ANK2: variants seen among roughly 807,000 people sequenced by gnomAD.
The protein encoded by ANK2 is ankyrin-2.
A neutral mutation model predicts 360.5 loss-of-function variants in ANK2; 83 were observed. The observed-to-expected ratio is 0.23, with a 90% CI of 0.19 to 0.28. ANK2 has a LOEUF of 0.28. ANK2 is among the 10% of genes least tolerant of loss of function. The pLI, the probability that ANK2 is intolerant of heterozygous loss-of-function variation, is 1.00. For synonymous variants in ANK2, 1,740 were observed against 1,759.5 expected (o/e 0.99, Z 0.28); for missense variants, 4,201 against 4,795.7 (o/e 0.88, Z 3.66).
intron 23 of ANK2, among the ~76,000 whole-genome samples, chr4:113,308,758 A>G (rs918730153): frequency 6.6e-6 from 1 of 152,208 alleles, no homozygotes; most frequent in Non-Finnish European, 1.5e-5. Flanking sequence ...AAGCTACCAT[A>G]TTTCAGAGAT....
intron 4 of ANK2, among the ~76,000 whole-genome samples, chr4:113,214,834 A>T: frequency 6.6e-6 from 1 of 152,196 alleles, no homozygotes; most frequent in Admixed American, 6.5e-5. Context: ...AAATGCCATG[A>T]AATCATATCA....
At chr4:113,024,290 A>G (rs924151999) in intron 2 of ANK2, among the ~76,000 whole-genome samples, 1 of 152,174 alleles carries the variant, frequency 6.6e-6, no homozygotes, top group Non-Finnish European at 1.5e-5. Context: ...AAAGATTACT[A>G]GTATACTAGA....
Position 113,363,430 on chromosome 4 carries a change from T to C in ANK2, c.10849T>C (p.Leu3617=). 1 of 1,613,584 alleles carries C rather than the reference T, an allele frequency of 6.2e-7. No homozygotes were observed. Among genetic ancestry groups the C allele is most frequent in the Non-Finnish European group, 8.5e-7 (1 of 1,179,644 alleles). ...NSLQDQSHAL[L]KYWLERDGKH... is the part of the protein sequence containing the mutation. The stretch of plus-strand genomic sequence containing the variant: ...TCTTCAAGACCAGAGTCATGCACTG[T>C]TGAAGTACTGGCTAGAGAGGGATGG... Residue 3617 remains leucine, a synonymous_variant, in exon 40 of 46, where the codon TTG becomes CTG. Transcript: ENST00000357077.
At chr4:113,049,530 C>A, upstream of ANK2, 6 of 1,056,012 alleles carry the variant, frequency 5.7e-6, no homozygotes, top group Non-Finnish European at 7.8e-6. Flanking sequence ...TTGGTTGAAT[C>A]AGATTTAACA....
At chr4:112,738,879 AAACAAAC>A in the ANK2 span, 2 of 668,968 alleles carry the variant, frequency 3.0e-6, no homozygotes, top group African/African-American at 3.6e-5. Context: ...ACAAACAAAC[AAACAAAC>A]AAAAAAACAA....
chr4:112,867,402 A>T (rs1006052863), intron 1 of ANK2, among the ~76,000 whole-genome samples: 1 of 151,682 alleles, frequency 6.6e-6, no homozygotes, highest in Non-Finnish European at 1.5e-5. Flanking sequence ...TGTTTTTTTT[A>T]AATTGAGATA....
In ANK2 at chr4:112,976,763, G is replaced by A. The variant is rs115650180; in HGVS notation, c.21+72249G>A. On this transcript the variant is annotated intron_variant, in intron 2 of 30. Transcript: ENST00000503271. Reference sequence around the variant, plus strand: ...CTCCCAAAACATTACGCTTAGTGCTGACTACTTCTTTGTGACCCTGCTCTA... The same window carrying A: ...CTCCCAAAACATTACGCTTAGTGCTAACTACTTCTTTGTGACCCTGCTCTA... Among the ~76,000 whole-genome samples, 1,337 of 151,030 alleles carry A rather than the reference G, an allele frequency of 8.9e-3. 23 individuals are homozygous for A. Among genetic ancestry groups the A allele is most frequent in the African/African-American group, 0.031 (1,279 of 41,030 alleles).
chr4:113,184,849 C>T (rs1170249772), intron 2 of ANK2, among the ~76,000 whole-genome samples: 1 of 152,036 alleles, frequency 6.6e-6, no homozygotes, highest in African/African-American at 2.4e-5. Flanking sequence ...CTAATGCTGT[C>T]CCTCCCCTAG....
the ANK2 span, among the ~76,000 whole-genome samples, chr4:112,707,672 CAT>C: frequency 2.0e-5 from 3 of 152,056 alleles, no homozygotes; most frequent in African/African-American, 7.2e-5. Context: ...TGTATGCACA[CAT>C]ACATAAACAT....
In ANK2 at chr4:113,136,606, G is replaced by A. The variant is rs182778137; in HGVS notation, c.85-37810G>A. Among the ~76,000 whole-genome samples, 182 of 152,122 alleles carry A rather than the reference G, an allele frequency of 1.2e-3. 1 individual carries two copies. Among genetic ancestry groups the A allele is most frequent in the South Asian group, 7.9e-3 (38 of 4,822 alleles). The stretch of plus-strand genomic sequence containing the variant: ...CTGAGGTGGTAGAATCGCTTGAGCC[G>A]GGGGAGGTGGAGGTTGCAATGAGCG... On this transcript the variant is annotated intron_variant, in intron 1 of 45. Transcript: ENST00000357077.
rs1353481843 is a variant in ANK2 at position 112,938,329 on chromosome 4, T to G, written c.21+33815T>G. On this transcript the variant is annotated intron_variant, in intron 2 of 30. Coordinates refer to the ANK2 transcript ENST00000503271. ...TAGGACTTGAACACACATCTCTAGA[T>G]TCCTTCTCCAGACTTCTTTTTTCCA... Among the ~76,000 whole-genome samples, 3 of 152,192 alleles carry G rather than the reference T, an allele frequency of 2.0e-5. No homozygotes were observed. In the East Asian group the frequency reaches 5.8e-4, roughly 29 times the overall value.
intron 2 of ANK2, among the ~76,000 whole-genome samples, chr4:112,962,263 T>G (rs933889300): frequency 6.6e-6 from 1 of 152,110 alleles, no homozygotes; most frequent in Middle Eastern, 3.2e-3. Context: ...TAGTCAATGT[T>G]TAGCTCTCAC....
chr4:113,041,338 C>T (rs1260296065), intron 2 of ANK2, among the ~76,000 whole-genome samples: 4 of 152,096 alleles, frequency 2.6e-5, no homozygotes, highest in African/African-American at 9.7e-5. Flanking sequence ...CTGCAATAAG[C>T]ACACATGATA....
chr4:112,842,029 A>G (rs1224889287), intron 1 of ANK2, among the ~76,000 whole-genome samples: 2 of 151,060 alleles, frequency 1.3e-5, no homozygotes, highest in African/African-American at 4.9e-5. Context: ...TTTTTTTGAG[A>G]TGGAGCCTCT....
intron 1 of ANK2, chr4:113,160,277 C>T: frequency 2.6e-6 from 1 of 384,616 alleles, no homozygotes; most frequent in African/African-American, 2.2e-5. Context: ...GTTGTCAAGG[C>T]TGGTCTCAAA....
At position 112,853,402 on chromosome 4, in the gene ANK2, A is replaced by G. The variant is rs576880476; in HGVS notation, c.-40+35138A>G. Among the ~76,000 whole-genome samples the G allele has an allele frequency of 8.6e-5, 13 of 151,520 alleles. No individual in the cohort carries two copies. The East Asian group carries it at 2.3e-3, about 27-fold the overall frequency. On this transcript the variant is annotated intron_variant, in intron 1 of 30. Transcript: ENST00000503271. ...TAATTTGTAGAGATGAGGTCCTGCT[A>G]TGATGCCAGGCTTGTCTTGAGCTTT...
At chr4:112,860,600 A>C (rs921336448) in intron 1 of ANK2, among the ~76,000 whole-genome samples, 1 of 152,230 alleles carries the variant, frequency 6.6e-6, no homozygotes, top group Non-Finnish European at 1.5e-5. Flanking sequence ...GTTGGAAAAA[A>C]TAATTACTAA....
intron 1 of ANK2, chr4:113,151,164 C>T (rs755875542): frequency 6.1e-5 from 78 of 1,269,726 alleles, no homozygotes; most frequent in South Asian, 2.4e-4. Flanking sequence ...ACAGTAAAGA[C>T]GTTGGTAACT....
intron 1 of ANK2, among the ~76,000 whole-genome samples, chr4:113,105,900 C>G (rs1008016673): frequency 6.6e-6 from 1 of 152,098 alleles, no homozygotes; most frequent in Non-Finnish European, 1.5e-5. Flanking sequence ...TTTGATTTAA[C>G]CTACAATGAA....
Sources: gnomAD v4.1 joint callset for allele counts (sites outside exome capture counted in the v4.1 genomes callset) on GRCh38, gnomAD v4.1.1 for gene constraint, MANE v1.5 for transcripts, NCBI Gene and HGNC (gene_info 2026-07-23, HGNC 2026-07-21) for gene names.